MDGA2: variants seen among roughly 807,000 people sequenced by gnomAD.
The protein encoded by MDGA2 is MAM domain containing glycosylphosphatidylinositol anchor 2.
A neutral mutation model predicts 117.8 loss-of-function variants in MDGA2; 40 were observed. That is an observed-to-expected ratio of 0.34 (90% CI 0.26 to 0.44). The LOEUF is 0.44. Ranked by LOEUF, MDGA2 falls within the 20% of genes least tolerant of loss-of-function variation. The pLI, the probability that MDGA2 is intolerant of heterozygous loss-of-function variation, is 1.00. For synonymous variants in MDGA2, 452 were observed against 439.0 expected, an observed-to-expected ratio of 1.03 and a Z score of -0.37; for missense variants, 1,123 against 1,250.6, an observed-to-expected ratio of 0.90 and a Z score of 1.54.
At position 46,896,324 on chromosome 14, in the gene MDGA2, G is replaced by A. The variant is rs530463529; in HGVS notation, c.2239-14103C>T. The stretch of plus-strand genomic sequence containing the variant: ...AGAAGAACAAAAGTAAGAAAAACAG[G>A]CAATGCTTCTTGTTGTGAATACTTA... On this transcript the variant is annotated intron_variant, in intron 10 of 16. Coordinates refer to ENST00000399232, the MANE Select transcript of MDGA2 (RefSeq NM_001113498.3). 5.7e-4 allele frequency among the ~76,000 whole-genome samples: 87 copies of A among 152,132 alleles called. 2 individuals carry two copies. The South Asian group carries it at 0.016, about 28-fold the overall frequency.
Position 47,390,418 on chromosome 14 carries a change from C to T in MDGA2, c.281-88868G>A, listed in dbSNP as rs528809248. 3.3e-5 allele frequency among the ~76,000 whole-genome samples: 5 copies of T among 152,194 alleles called. No homozygotes were observed. The East Asian group carries it at 9.7e-4, about 29-fold the overall frequency. On this transcript the variant is annotated intron_variant, in intron 1 of 16. Transcript: ENST00000399232. ...GAGCCTAACTTTGGCTGGTGCCTCT[C>T]GCCAAAACAACCTTCCATCGTAAAG...
At chr14:47,325,617 A>C (rs1254012168) in intron 1 of MDGA2, among the ~76,000 whole-genome samples, 2 of 152,210 alleles carry the variant, frequency 1.3e-5, no homozygotes, top group Non-Finnish European at 2.9e-5. Context: ...AGAAGAAGGA[A>C]TCAAAAATTG....
chr14:47,327,284 A>T (rs2139897828), intron 1 of MDGA2, among the ~76,000 whole-genome samples: 1 of 152,336 alleles, frequency 6.6e-6, no homozygotes, highest in South Asian at 2.1e-4. Context: ...CCCATCAAGG[A>T]ACAAAGCCAG....
At chr14:47,075,975 C>G (rs1890475928) in intron 6 of MDGA2, among the ~76,000 whole-genome samples, 1 of 152,058 alleles carries the variant, frequency 6.6e-6, no homozygotes, top group Non-Finnish European at 1.5e-5. Flanking sequence ...CCTTTGAAAA[C>G]TATCACCAAT....
chr14:47,251,480 T>A lies in MDGA2; in HGVS notation c.421-33285A>T, dbSNP rs74595422. On this transcript the variant is annotated intron_variant, in intron 2 of 16. Coordinates refer to ENST00000399232, the MANE Select transcript of MDGA2 (RefSeq NM_001113498.3). ...TATTATATTTAGTACATAATTTTTTTAAAAAAACACTTGACGTTGTCTACT... is the reference window on the plus strand; with the variant it reads ...TATTATATTTAGTACATAATTTTTTAAAAAAAACACTTGACGTTGTCTACT... Among the ~76,000 whole-genome samples, 311 of 152,100 alleles carry A rather than the reference T, an allele frequency of 2.0e-3. 1 individual carries two copies. The highest frequency in any genetic ancestry group is 3.2e-3 in the Non-Finnish European group (215 of 67,986).
chr14:47,345,292 C>G (rs1890741096), intron 1 of MDGA2, among the ~76,000 whole-genome samples: 2 of 152,180 alleles, frequency 1.3e-5, no homozygotes, highest in South Asian at 4.1e-4. Context: ...TGGTCTTCAG[C>G]CTGTCCCCTT....
At chr14:47,546,996 C>T (rs1323542423) in intron 1 of MDGA2, among the ~76,000 whole-genome samples, 1 of 152,038 alleles carries the variant, frequency 6.6e-6, no homozygotes, top group Non-Finnish European at 1.5e-5. Flanking sequence ...CACAAAGGAA[C>T]AAAACAAGTT....
intron 1 of MDGA2, among the ~76,000 whole-genome samples, chr14:47,309,649 C>T (rs910364529): frequency 5.3e-5 from 8 of 151,838 alleles, no homozygotes; most frequent in Admixed American, 5.3e-4. Flanking sequence ...TTAACGTTTG[C>T]TAAATAATAA....
intron 1 of MDGA2, among the ~76,000 whole-genome samples, chr14:47,538,359 T>C (rs1022875909): frequency 6.6e-5 from 10 of 152,146 alleles, no homozygotes; most frequent in African/African-American, 2.4e-4. Context: ...ATTTCATGAG[T>C]GTTAAGTAAG....
intron 5 of MDGA2, among the ~76,000 whole-genome samples, chr14:47,101,604 A>C (rs1880328984): frequency 1.3e-5 from 2 of 152,158 alleles, no homozygotes; most frequent in African/African-American, 4.8e-5. Context: ...CCAGTCCCAC[A>C]ATGGTGGAAT....
intron 8 of MDGA2, among the ~76,000 whole-genome samples, chr14:47,002,340 T>G (rs746710419): frequency 6.6e-6 from 1 of 152,138 alleles, no homozygotes; most frequent in Non-Finnish European, 1.5e-5. Flanking sequence ...AATTTCTTTT[T>G]TTAAGTTTAG....
intron 1 of MDGA2, among the ~76,000 whole-genome samples, chr14:47,567,098 G>T (rs56038200): frequency 0.043 from 6,549 of 151,622 alleles, 472 homozygotes; most frequent in African/African-American, 0.15. Context: ...TAGAGATGGG[G>T]TCTCACTATA....
At chr14:47,553,537 C>T (rs1566511855) in intron 1 of MDGA2, among the ~76,000 whole-genome samples, 1 of 151,986 alleles carries the variant, frequency 6.6e-6, no homozygotes, top group Non-Finnish European at 1.5e-5. Flanking sequence ...CATTTGAAAG[C>T]TTTTGGAAAA....
intron 1 of MDGA2, among the ~76,000 whole-genome samples, chr14:47,351,745 T>C (rs989480959): frequency 4.6e-5 from 7 of 152,178 alleles, no homozygotes; most frequent in African/African-American, 1.4e-4. Context: ...CTAATGGATA[T>C]GGAGCAGAAA....
At chr14:47,637,694 G>A (rs746268675) in intron 1 of MDGA2, among the ~76,000 whole-genome samples, 46 of 152,160 alleles carry the variant, frequency 3.0e-4, no homozygotes, top group Non-Finnish European at 3.1e-4. Flanking sequence ...AAAAACTCAT[G>A]CGAATTCACC....
At chr14:47,400,903 A>G (rs890398293) in intron 1 of MDGA2, among the ~76,000 whole-genome samples, 89 of 145,008 alleles carry the variant, frequency 6.1e-4, no homozygotes, top group Middle Eastern at 3.5e-3. Context: ...GACTACAGGC[A>G]CCCACCACCA....
intron 8 of MDGA2, among the ~76,000 whole-genome samples, chr14:46,973,771 A>T (rs1347645310): frequency 6.6e-6 from 1 of 152,196 alleles, no homozygotes; most frequent in Non-Finnish European, 1.5e-5. Flanking sequence ...AGATGATAGA[A>T]AACCATGCAG....
At chr14:47,282,096 C>T (rs1396995544) in intron 2 of MDGA2, among the ~76,000 whole-genome samples, 1 of 150,016 alleles carries the variant, frequency 6.7e-6, no homozygotes, top group Non-Finnish European at 1.5e-5. Context: ...TATTTGGATA[C>T]CTTGAAATGA....
chr14:47,540,393 A>G (rs1287351948), intron 1 of MDGA2, among the ~76,000 whole-genome samples: 1 of 151,740 alleles, frequency 6.6e-6, no homozygotes, highest in Non-Finnish European at 1.5e-5. Context: ...ATAGCAAGCC[A>G]CTGATACTTC....
Sources: gnomAD v4.1 joint callset for allele counts (sites outside exome capture counted in the v4.1 genomes callset) on GRCh38, gnomAD v4.1.1 for gene constraint, MANE v1.5 for transcripts, NCBI Gene and HGNC (gene_info 2026-07-23, HGNC 2026-07-21) for gene names.